Variants in MBD5 observed in about 807,000 individuals in gnomAD.
MBD5 encodes methyl-CpG binding domain protein 5.
Under a neutral mutation model 117.3 loss-of-function variants are expected in MBD5, and 13 were observed. The observed-to-expected ratio is 0.11, with a 90% confidence interval of 0.07 to 0.18. MBD5 has a LOEUF of 0.18. Among genes scored for constraint, MBD5 ranks in the 10% least tolerant of loss-of-function variants. The pLI is 1.00. For synonymous variants in MBD5, 727 were observed against 766.4 expected (o/e 0.95, Z 0.85); for missense variants, 1,879 against 2,093.8 (o/e 0.90, Z 2.00).
chr2:148,301,600 TG>T (rs1701776462), intron 3 of MBD5, among the ~76,000 whole-genome samples: 1 of 152,158 alleles, frequency 6.6e-6, no homozygotes, highest in Admixed American at 6.5e-5. Context: ...ACCTTTGACT[TG>T]GGATTTTATA....
chr2:148,436,508 G>A (rs1706162025), intron 4 of MBD5, among the ~76,000 whole-genome samples: 1 of 152,088 alleles, frequency 6.6e-6, no homozygotes, highest in Non-Finnish European at 1.5e-5. Flanking sequence ...AAGTAGCTGG[G>A]ACTACAGGCA....
At chr2:148,113,322 A>G (rs1317041281) in intron 1 of MBD5, among the ~76,000 whole-genome samples, 1 of 152,146 alleles carries the variant, frequency 6.6e-6, no homozygotes, top group African/African-American at 2.4e-5. Flanking sequence ...CATTAGGTGC[A>G]TTGTGTTTCA....
Position 148,469,504 on chromosome 2 carries a change from A to G in MBD5, c.1561A>G (p.Ile521Val). The G allele has an allele frequency of 6.2e-7, 1 of 1,613,824 alleles. No individual in the cohort carries two copies. Reference sequence around the variant, plus strand: ...CGATGGACATCATCAGTACAAGGATATCCCTAACCCATTAATTGCTGGAAT... The same window carrying G: ...CGATGGACATCATCAGTACAAGGATGTCCCTAACCCATTAATTGCTGGAAT... ...KSDGHHQYKD[I>V]PNPLIAGISN... The change falls in exon 8 of 14, where the codon ATC becomes GTC. Residue 521 changes from isoleucine (I) to valine (V), a missense_variant. Transcript: ENST00000642680.
At chr2:148,299,510 T>A (rs4972354) in intron 3 of MBD5, among the ~76,000 whole-genome samples, 87,310 of 151,952 alleles carry the variant, frequency 0.57, 25,428 homozygotes, top group East Asian at 0.83. Flanking sequence ...CTCTATTCTC[T>A]CCAAATGTTC....
intron 1 of MBD5, among the ~76,000 whole-genome samples, chr2:148,155,622 A>G (rs1370796441): frequency 6.6e-6 from 1 of 151,982 alleles, no homozygotes; most frequent in African/African-American, 2.4e-5. Flanking sequence ...GGCTTTTATC[A>G]TGGTCACCCA....
chr2:148,424,390 C>T (rs1037482356), intron 4 of MBD5, among the ~76,000 whole-genome samples: 1 of 151,718 alleles, frequency 6.6e-6, no homozygotes, highest in African/African-American at 2.4e-5. Flanking sequence ...AAAGCAAGTT[C>T]TTAAGGACCT....
intron 4 of MBD5, among the ~76,000 whole-genome samples, chr2:148,366,301 A>AAACTATTGATAGCTTATTGATGG (rs142509539): frequency 6.6e-6 from 1 of 151,252 alleles, no homozygotes. Flanking sequence ...AACTATCAAT[A>AAACTATTGATAGCTTATTGATGG]AACTAGGTAT....
At chr2:148,151,873 T>C (rs2105656907) in intron 1 of MBD5, among the ~76,000 whole-genome samples, 1 of 152,264 alleles carries the variant, frequency 6.6e-6, no homozygotes, top group South Asian at 2.1e-4. Context: ...TCAATTTTGT[T>C]GATCCTTTCA....
At chr2:148,197,224 A>G (rs1203705910) in intron 2 of MBD5, among the ~76,000 whole-genome samples, 3 of 152,142 alleles carry the variant, frequency 2.0e-5, no homozygotes, top group Admixed American at 6.5e-5. Context: ...TATTGTGAGG[A>G]AGACTGAGCC....
intron 1 of MBD5, among the ~76,000 whole-genome samples, chr2:148,154,786 C>T (rs1033581542): frequency 3.9e-5 from 6 of 152,168 alleles, no homozygotes; most frequent in African/African-American, 9.6e-5. Flanking sequence ...TGCCCTGCTT[C>T]GGCTCGCGCA....
chr2:148,495,909 C>A (rs1344376714), intron 11 of MBD5, among the ~76,000 whole-genome samples: 1 of 152,236 alleles, frequency 6.6e-6, no homozygotes, highest in East Asian at 1.9e-4. Context: ...TAACCAGAGA[C>A]AACTTACCTT....
intron 2 of MBD5, among the ~76,000 whole-genome samples, chr2:148,181,259 T>G (rs1337109911): frequency 6.6e-6 from 1 of 152,232 alleles, no homozygotes; most frequent in Non-Finnish European, 1.5e-5. Flanking sequence ...GGCAGCCATA[T>G]TTTCACTACC....
At chr2:148,124,071 G>A (rs1266020093) in intron 1 of MBD5, among the ~76,000 whole-genome samples, 1 of 152,148 alleles carries the variant, frequency 6.6e-6, no homozygotes, top group Admixed American at 6.5e-5. Flanking sequence ...TTGAGGGCAG[G>A]AGTTCGAGAT....
intron 4 of MBD5, among the ~76,000 whole-genome samples, chr2:148,344,295 C>A (rs1280915907): frequency 2.6e-5 from 4 of 151,912 alleles, no homozygotes; most frequent in Non-Finnish European, 5.9e-5. Context: ...GTTGTCTCTT[C>A]AGGCTCTTTT....
intron 4 of MBD5, among the ~76,000 whole-genome samples, chr2:148,457,173 A>G (rs1706911290): frequency 6.6e-6 from 1 of 152,152 alleles, no homozygotes; most frequent in Admixed American, 6.6e-5. Flanking sequence ...TTTTCAGAGT[A>G]TATCATCTTC....
chr2:148,479,472 C>A (rs1681076354), intron 8 of MBD5, among the ~76,000 whole-genome samples: 1 of 151,952 alleles, frequency 6.6e-6, no homozygotes, highest in Non-Finnish European at 1.5e-5. Flanking sequence ...TTTTGAATAC[C>A]GATCATGTGT....
rs561665195 is a variant in MBD5 at position 148,386,151 on chromosome 2, G to C, written c.-557+43815G>C. 3.3e-5 allele frequency among the ~76,000 whole-genome samples: 5 copies of C among 151,932 alleles called. No individual in the cohort carries two copies. The East Asian group carries it at 9.7e-4, about 29-fold the overall frequency. On this transcript the variant is annotated intron_variant, in intron 4 of 13. Coordinates refer to ENST00000642680, the MANE Select transcript of MBD5 (RefSeq NM_001378120.1). Reference sequence around the variant, plus strand: ...GAAAAAGAAAGGCTACAAATTAAATGACCTAGATTTTCAATTTATTAAGTT... The same window carrying C: ...GAAAAAGAAAGGCTACAAATTAAATCACCTAGATTTTCAATTTATTAAGTT...
intron 11 of MBD5, among the ~76,000 whole-genome samples, chr2:148,501,021 C>T (rs1314105678): frequency 6.6e-6 from 1 of 152,178 alleles, no homozygotes; most frequent in Non-Finnish European, 1.5e-5. Flanking sequence ...ACAAAGTTGT[C>T]TCTTGTGCTG....
chr2:148,075,710 ATTC>A (rs1334515421), intron 1 of MBD5, among the ~76,000 whole-genome samples: 5 of 151,478 alleles, frequency 3.3e-5, no homozygotes, highest in East Asian at 1.9e-4. Context: ...TGGTTAATGT[ATTC>A]TTAAGTGTTT....
Sources: gnomAD v4.1 joint callset for allele counts (sites outside exome capture counted in the v4.1 genomes callset) on GRCh38, gnomAD v4.1.1 for gene constraint, MANE v1.5 for transcripts, NCBI Gene and HGNC (gene_info 2026-07-23, HGNC 2026-07-21) for gene names.